Variants in EIF3A observed in about 807,000 individuals in gnomAD.
EIF3A encodes the protein eukaryotic translation initiation factor 3 subunit A.
EIF3A carries 21 observed loss-of-function variants against 186.6 expected under a neutral mutation model. That is an observed-to-expected ratio of 0.11 (90% CI 0.08 to 0.16). The LOEUF is 0.16. EIF3A is among the 10% of genes least tolerant of loss of function. The pLI is 1.00. For synonymous variants in EIF3A, 563 were observed against 584.3 expected, an observed-to-expected ratio of 0.96 and a Z score of 0.52; for missense variants, 1,306 against 1,796.3, an observed-to-expected ratio of 0.73 and a Z score of 4.93.
intron 14 of EIF3A, among the ~76,000 whole-genome samples, chr10:119,052,568 G>A (rs1848374107): frequency 6.6e-6 from 1 of 151,890 alleles, no homozygotes; most frequent in South Asian, 2.1e-4. Flanking sequence ...TAGAGACAGG[G>A]TTTCACCATG....
chr10:119,065,021 T>C (rs867837709), intron 7 of EIF3A, among the ~76,000 whole-genome samples: 8 of 152,128 alleles, frequency 5.3e-5, no homozygotes, highest in African/African-American at 1.9e-4. Context: ...CGGGTATATA[T>C]AGCAGTGCGA....
At position 119,058,357 on chromosome 10, in the gene EIF3A, T is replaced by C. The variant is rs567938610; in HGVS notation, c.1630-54A>G. The C allele has an allele frequency of 3.9e-4, 491 of 1,266,342 alleles. 1 individual carries two copies. The highest frequency in any genetic ancestry group is 4.3e-4 in the Non-Finnish European group (395 of 923,752). The allele number at this position is 1,266,342 out of a possible 1,614,324, so 78.4% of individuals were successfully genotyped here. ...GACCAAAATTAACATTCTCTGGTAT[T>C]AGGCATCAAAGAAATTACAAAATAA... is the stretch of plus-strand genomic sequence containing the variant. On this transcript the variant is annotated intron_variant, in intron 11 of 21. Coordinates refer to ENST00000369144, the MANE Select transcript of EIF3A (RefSeq NM_003750.4).
chr10:119,075,884 T>C (rs1256432486), intron 1 of EIF3A, among the ~76,000 whole-genome samples: 4 of 137,260 alleles, frequency 2.9e-5, no homozygotes, highest in Non-Finnish European at 6.3e-5. Flanking sequence ...GGCTAATTTT[T>C]TTTTTTTTTT....
Position 119,056,785 on chromosome 10 carries a change from C to G in EIF3A, c.2151G>C (p.Gln717His). ...IPLIKSAYEE[Q>H]RIKDMDLWEQ... is the part of the protein sequence containing the mutation. Reference sequence around the variant, plus strand: ...CCCACAGATCCATGTCTTTAATTCTCTGTTCCTCGTAAGCGCTCTTTATCA... The same window carrying G: ...CCCACAGATCCATGTCTTTAATTCTGTGTTCCTCGTAAGCGCTCTTTATCA... Residue 717 changes from glutamine to histidine, a missense_variant, in exon 14 of 22, where the codon CAG becomes CAC. Gln to His is a conservative substitution (Grantham distance 24). Coordinates refer to ENST00000369144, the MANE Select transcript of EIF3A (RefSeq NM_003750.4). 4 of 1,613,696 alleles carry G rather than the reference C, an allele frequency of 2.5e-6. No individual in the cohort carries two copies. The highest frequency in any genetic ancestry group is 3.4e-6 in the Non-Finnish European group (4 of 1,179,792).
chr10:119,080,812 G>T lies in EIF3A; in HGVS notation c.-136C>A, dbSNP rs557956398. On this transcript the variant is annotated 5_prime_UTR_variant, in exon 1 of 22. Coordinates refer to ENST00000369144, the MANE Select transcript of EIF3A (RefSeq NM_003750.4). ...GCCCGCGCCCAGCCGGCCAGAGACG[G>T]AAAGGAAGGAGCCACGTGACCTCCC... 7.1e-7 allele frequency: 1 copy of T among 1,418,268 alleles called. No homozygotes were observed. Among genetic ancestry groups the T allele is most frequent in the Admixed American group, 3.0e-5 (1 of 33,646 alleles). The allele number at this position is 1,418,268 out of a possible 1,614,324, so 87.9% of individuals were successfully genotyped here. A position where few individuals can be genotyped will look rare whatever the true frequency, so the allele number is the denominator to read the frequency against.
intron 6 of EIF3A, among the ~76,000 whole-genome samples, chr10:119,067,966 A>G (rs1219140608): frequency 6.6e-6 from 1 of 152,050 alleles, no homozygotes. Flanking sequence ...GTGCACCACC[A>G]CACCCAGCTG....
chr10:119,060,048 G>C lies in EIF3A; in HGVS notation c.1327-330C>G, dbSNP rs1266513311. The C allele has an allele frequency of 1.7e-5, 9 of 519,716 alleles. No homozygotes were observed. In the East Asian group the frequency reaches 4.7e-4, roughly 27 times the overall value. 32.2% of individuals were successfully genotyped at this position (519,716 alleles called of 1,614,324 possible). On this transcript the variant is annotated intron_variant, in intron 9 of 21. Coordinates refer to ENST00000369144, the MANE Select transcript of EIF3A (RefSeq NM_003750.4). ...GAGACTGGCAGCATTACTATTTATA[G>C]TTATACTGCTAATTAGCCTTCAATT...
chr10:119,061,796 A>G (rs1482466696), intron 7 of EIF3A, among the ~76,000 whole-genome samples: 5 of 152,258 alleles, frequency 3.3e-5, no homozygotes, highest in African/African-American at 1.2e-4. Flanking sequence ...ACAGCTACAT[A>G]GAACACATGA....
chr10:119,067,533 T>C (rs553124167), intron 6 of EIF3A, among the ~76,000 whole-genome samples: 1 of 152,064 alleles, frequency 6.6e-6, no homozygotes, highest in Admixed American at 6.5e-5. Context: ...CAAGGATGCA[T>C]GCAGTGAGCT....
intron 21 of EIF3A, 50 bp downstream of exon 21, chr10:119,037,069 C>CCA (rs1554868189): frequency 1.1e-6 from 1 of 941,274 alleles, no homozygotes; most frequent in African/African-American, 1.7e-5. Flanking sequence ...ATCCCCCCCC[C>CCA]CCCAGAAACG....
chr10:119,078,921 T>C (rs1334867160), intron 1 of EIF3A, among the ~76,000 whole-genome samples: 2 of 152,114 alleles, frequency 1.3e-5, no homozygotes, highest in African/African-American at 2.4e-5. Context: ...ATGTAGGCCA[T>C]TATAATGCTT....
Position 119,058,241 on chromosome 10 carries a change from C to T in EIF3A, c.1692G>A (p.Glu564=). ...GGCGGCGAGCCAGGATCCGCTGGTGCTCTTTTCGTGAATTTTTAAGGTATG... is the reference window on the plus strand; with the variant it reads ...GGCGGCGAGCCAGGATCCGCTGGTGTTCTTTTCGTGAATTTTTAAGGTATG... The part of the protein sequence containing the change: ...VTAYLKNSRK[E]HQRILARRQT... The change falls in exon 12 of 22, where the codon GAG becomes GAA. Residue 564 remains glutamate, a synonymous_variant. Coordinates refer to ENST00000369144, the MANE Select transcript of EIF3A (RefSeq NM_003750.4). The T allele has an allele frequency of 1.9e-6, 3 of 1,612,298 alleles. No individual in the cohort carries two copies. Among genetic ancestry groups the T allele is most frequent in the Non-Finnish European group, 2.5e-6 (3 of 1,179,320 alleles).
chr10:119,050,497 T>C, intron 16 of EIF3A, 24 bp downstream of exon 16: 1 of 1,610,048 alleles, frequency 6.2e-7, no homozygotes, highest in Non-Finnish European at 8.5e-7. Context: ...TTAGCACCCC[T>C]CCAATCCTGT....
rs551871330 is a variant in EIF3A, at chr10:119,040,513, T to C, written c.3526+1481A>G. Among the ~76,000 whole-genome samples, 74 of 152,304 alleles carry C rather than the reference T, an allele frequency of 4.9e-4. 1 individual carries two copies. Among genetic ancestry groups the C allele is most frequent in the Non-Finnish European group, 1.0e-3 (68 of 68,026 alleles). ...GGCTGTGTTAGACATTCAGTAAGAC[T>C]ACCAAGTGGAGATGTGCTATATGCA... is the stretch of plus-strand genomic sequence containing the variant. On this transcript the variant is annotated intron_variant, in intron 19 of 21. Transcript: ENST00000369144.
chr10:119,076,290 G>A (rs796276796), intron 1 of EIF3A, among the ~76,000 whole-genome samples: 87 of 144,976 alleles, frequency 6.0e-4, no homozygotes, highest in African/African-American at 1.9e-3. Context: ...CCGAGATAGC[G>A]CCACTGTACT....
At chr10:119,075,879 A>AAT (rs1338646235) in intron 1 of EIF3A, among the ~76,000 whole-genome samples, 1 of 94,072 alleles carries the variant, frequency 1.1e-5, no homozygotes, top group African/African-American at 4.1e-5. Flanking sequence ...CGCCTGGCTA[A>AAT]TTTTTTTTTT....
rs371227875 is a variant in EIF3A, at chr10:119,076,747, G to A, written c.50-2810C>T. ...GGTCAGGAGTTCCAGATCAGCCTGG[G>A]CAACATGGTGAAACCTTGTCTCCAC... On this transcript the variant is annotated intron_variant, in intron 1 of 21. Coordinates refer to ENST00000369144, the MANE Select transcript of EIF3A (RefSeq NM_003750.4). Among the ~76,000 whole-genome samples, 4 of 152,084 alleles carry A rather than the reference G, an allele frequency of 2.6e-5. No individual in the cohort carries two copies. The South Asian group carries it at 6.2e-4, about 24-fold the overall frequency.
intron 1 of EIF3A, among the ~76,000 whole-genome samples, chr10:119,079,739 T>C (rs1340673203): frequency 6.6e-6 from 1 of 151,640 alleles, no homozygotes; most frequent in Non-Finnish European, 1.5e-5. Flanking sequence ...CATATAGAAA[T>C]AGAAATCGCA....
rs777749675 is a variant in EIF3A at position 119,073,760 on chromosome 10, T to C, written c.227A>G (p.Asn76Ser). 1 of 1,601,356 alleles carries C rather than the reference T, an allele frequency of 6.2e-7. No homozygotes were observed. Among genetic ancestry groups the C allele is most frequent in the Non-Finnish European group, 8.5e-7 (1 of 1,174,766 alleles). ...LAKEGLYQYK[N>S]ICQQVNIKSL... Reference sequence around the variant, plus strand: ...TTCCGTTTGTACCTGTTGACAAATGTTCTTATACTGGTATAACCCCTCCTT... The same window carrying C: ...TTCCGTTTGTACCTGTTGACAAATGCTCTTATACTGGTATAACCCCTCCTT... The change falls in exon 2 of 22, where the codon AAC becomes AGC. Residue 76 changes from asparagine to serine, a missense_variant. Transcript: ENST00000369144.
Sources: gnomAD v4.1 joint callset for allele counts (sites outside exome capture counted in the v4.1 genomes callset) on GRCh38, gnomAD v4.1.1 for gene constraint, MANE v1.5 for transcripts, NCBI Gene and HGNC (gene_info 2026-07-23, HGNC 2026-07-21) for gene names.